Variants in GPC6 observed in about 807,000 individuals in gnomAD.
The protein encoded by GPC6 is glypican 6.
A neutral mutation model predicts 55.2 loss-of-function variants in GPC6; 14 were observed. The observed-to-expected ratio is 0.25, with a 90% CI of 0.17 to 0.40. The LOEUF (loss-of-function observed/expected upper bound fraction) is 0.40. Among genes scored for constraint, GPC6 ranks in the 10% least tolerant of loss-of-function variants. GPC6 has a pLI of 1.00. For synonymous variants in GPC6, 278 were observed against 259.6 expected (o/e 1.07, Z -0.68); for missense variants, 641 against 708.5 (o/e 0.90, Z 1.08).
intron 4 of GPC6, among the ~76,000 whole-genome samples, chr13:94,136,273 C>G (rs1289373802): frequency 6.7e-6 from 1 of 149,588 alleles, no homozygotes; most frequent in East Asian, 2.0e-4. Context: ...CTGTGAACTA[C>G]TGATTGGAAA....
At chr13:94,225,550 T>G (rs975015581) in intron 4 of GPC6, among the ~76,000 whole-genome samples, 1 of 152,090 alleles carries the variant, frequency 6.6e-6, no homozygotes, top group Non-Finnish European at 1.5e-5. Context: ...ATCCACGCAG[T>G]GTTTAATAAT....
chr13:94,388,070 G>A (rs747726321), intron 7 of GPC6, among the ~76,000 whole-genome samples: 4 of 151,938 alleles, frequency 2.6e-5, no homozygotes, highest in Non-Finnish European at 5.9e-5. Context: ...GCCAGATCTA[G>A]CACATAAAGA....
intron 1 of GPC6, among the ~76,000 whole-genome samples, chr13:93,340,059 G>T (rs1189949496): frequency 8.9e-6 from 1 of 112,626 alleles, no homozygotes; most frequent in African/African-American, 3.1e-5. Context: ...TTTTTGAGAC[G>T]GAGTCTTGCT....
rs553508113 is a variant in GPC6 at position 93,597,921 on chromosome 13, G to A, written c.319+52500G>A. On this transcript the variant is annotated intron_variant, in intron 2 of 8. Coordinates refer to ENST00000377047, the MANE Select transcript of GPC6 (RefSeq NM_005708.5). ...AGCACTTTGGGAGGCCGAGGCAGGC[G>A]GACCAGGAGGTCAGGAGATCGAGAC... 2.8e-4 allele frequency among the ~76,000 whole-genome samples: 42 copies of A among 152,078 alleles called. 1 individual carries two copies. The highest frequency in any genetic ancestry group is 1.2e-3 in the South Asian group (6 of 4,806).
intron 3 of GPC6, among the ~76,000 whole-genome samples, chr13:94,026,097 A>C (rs370645607): frequency 2.0e-5 from 3 of 152,222 alleles, no homozygotes; most frequent in Non-Finnish European, 1.5e-5. Flanking sequence ...GCATGTTTGA[A>C]AACTTTCATA....
At chr13:94,213,702 G>A (rs544526767) in intron 4 of GPC6, among the ~76,000 whole-genome samples, 3 of 152,126 alleles carry the variant, frequency 2.0e-5, no homozygotes, top group Non-Finnish European at 4.4e-5. Flanking sequence ...AGATTGAGCC[G>A]AAGCTGTGGA....
intron 2 of GPC6, among the ~76,000 whole-genome samples, chr13:93,782,109 A>T (rs1022169123): frequency 6.6e-6 from 1 of 152,146 alleles, no homozygotes; most frequent in African/African-American, 2.4e-5. Flanking sequence ...CTAGCCTCTG[A>T]TAACCACCAC....
chr13:93,785,194 A>G (rs1169123421), intron 2 of GPC6, among the ~76,000 whole-genome samples: 1 of 152,244 alleles, frequency 6.6e-6, no homozygotes, highest in South Asian at 2.1e-4. Context: ...AGAAAACTAG[A>G]AAAAAGGGAA....
chr13:94,032,555 G>A (rs9589885), intron 4 of GPC6, among the ~76,000 whole-genome samples: 2 of 152,236 alleles, frequency 1.3e-5, no homozygotes, highest in East Asian at 3.9e-4. Context: ...TTAAATGCTC[G>A]TTTGTTTTAT....
chr13:93,990,348 G>T (rs1566637222), intron 3 of GPC6, among the ~76,000 whole-genome samples: 1 of 151,914 alleles, frequency 6.6e-6, no homozygotes, highest in Non-Finnish European at 1.5e-5. Context: ...GAAAAGTGCT[G>T]TTTTTTGATG....
At chr13:93,753,550 A>G (rs1273004719) in intron 2 of GPC6, among the ~76,000 whole-genome samples, 2 of 152,186 alleles carry the variant, frequency 1.3e-5, no homozygotes, top group Non-Finnish European at 2.9e-5. Flanking sequence ...AGAATGCGGT[A>G]TCCATCTCCT....
chr13:93,539,395 G>T (rs1882195548), intron 1 of GPC6, among the ~76,000 whole-genome samples: 1 of 152,078 alleles, frequency 6.6e-6, no homozygotes, highest in African/African-American at 2.4e-5. Context: ...AACAGGTTTA[G>T]TTATAATTTA....
intron 6 of GPC6, among the ~76,000 whole-genome samples, chr13:94,355,408 G>A (rs1032546838): frequency 6.6e-6 from 1 of 152,134 alleles, no homozygotes; most frequent in African/African-American, 2.4e-5. Context: ...AAGGCCAAGT[G>A]TCAGTTACCT....
intron 4 of GPC6, among the ~76,000 whole-genome samples, chr13:94,051,556 G>A (rs150772596): frequency 4.6e-5 from 7 of 152,174 alleles, no homozygotes; most frequent in Non-Finnish European, 5.9e-5. Flanking sequence ...TCCAAATTCC[G>A]TATTGCTGGA....
rs927185223 is a variant in GPC6 at position 93,901,166 on chromosome 13, C to T, written c.711+70621C>T. On this transcript the variant is annotated intron_variant, in intron 3 of 8. Transcript: ENST00000377047. ...AGACTTAGACATGGTTGATAAGGAT[C>T]TCAATATATATACTGATTTCTCTGC... Among the ~76,000 whole-genome samples, 3 of 152,152 alleles carry T rather than the reference C, an allele frequency of 2.0e-5. No homozygotes were observed. The East Asian group carries it at 5.8e-4, about 29-fold the overall frequency.
intron 4 of GPC6, among the ~76,000 whole-genome samples, chr13:94,256,941 A>G (rs1248133203): frequency 6.6e-6 from 1 of 152,234 alleles, no homozygotes; most frequent in East Asian, 1.9e-4. Context: ...TCTGCCTTTC[A>G]TCTGTTTCTC....
chr13:93,335,718 A>G (rs113292064), intron 1 of GPC6, among the ~76,000 whole-genome samples: 2 of 152,104 alleles, frequency 1.3e-5, no homozygotes, highest in African/African-American at 4.8e-5. Flanking sequence ...ACCCAGCCCA[A>G]TTTGTACCTG....
chr13:93,465,783 CT>C, intron 1 of GPC6, among the ~76,000 whole-genome samples: 1 of 152,328 alleles, frequency 6.6e-6, no homozygotes, highest in South Asian at 2.1e-4. Context: ...GAGGCCTAGC[CT>C]TTTGGCCTTT....
intron 4 of GPC6, among the ~76,000 whole-genome samples, chr13:94,083,333 T>C (rs1272050348): frequency 1.3e-5 from 2 of 152,200 alleles, no homozygotes; most frequent in Admixed American, 6.5e-5. Context: ...TTAGCCAGGA[T>C]GGTCTCGATC....
Sources: allele counts gnomAD v4.1 joint callset (sites outside exome capture counted in the v4.1 genomes callset), GRCh38; gene constraint gnomAD v4.1.1; transcripts MANE v1.5; gene names NCBI Gene and HGNC (gene_info 2026-07-23, HGNC 2026-07-21).